The following QTGAL variants were observed in gnomAD, a reference collection of about 807,000 sequenced individuals.
The protein encoded by QTGAL is queuosine-tRNA galactosyltransferase.
the QTGAL span, among the ~76,000 whole-genome samples, chr17:82,989,695 T>C: frequency 6.6e-6 from 1 of 151,948 alleles, no homozygotes; most frequent in Non-Finnish European, 1.5e-5. Context: ...CTTTGTGGAG[T>C]CGAATTTGCA....
the QTGAL span, chr17:82,979,470 G>C: frequency 3.9e-5 from 6 of 152,222 alleles, no homozygotes; most frequent in African/African-American, 1.4e-4. Flanking sequence ...ATACGTTTCT[G>C]TAAGTTAGCA....
At chr17:82,985,697 G>C in the QTGAL span, among the ~76,000 whole-genome samples, 1 of 152,210 alleles carries the variant, frequency 6.6e-6, no homozygotes, top group African/African-American at 2.4e-5. Flanking sequence ...ACGCGGGACT[G>C]AATCTCCAAA....
the QTGAL span, chr17:83,005,169 G>T: frequency 6.2e-7 from 1 of 1,610,820 alleles, no homozygotes; most frequent in Non-Finnish European, 8.5e-7. This position sits in a 1 kb window ranked among gnomAD's most constrained non-coding sequence, Gnocchi z 5.6. Flanking sequence ...TGTATCGTTC[G>T]GTGGAGTTAG....
chr17:83,005,889 C>T, the QTGAL span: 25 of 1,369,986 alleles, frequency 1.8e-5, no homozygotes, highest in Non-Finnish European at 2.4e-5. This position sits in a 1 kb window ranked among gnomAD's most constrained non-coding sequence, Gnocchi z 5.6. Flanking sequence ...CTGACCTCTG[C>T]CCCGGAGTGG....
chr17:82,995,444 A>G, the QTGAL span, among the ~76,000 whole-genome samples: 84,158 of 150,348 alleles, frequency 0.56, 23,801 homozygotes, highest in African/African-American at 0.64. Flanking sequence ...GTGCAGTGGC[A>G]TGATCTTGGC....
chr17:83,017,531 G>A, the QTGAL span, among the ~76,000 whole-genome samples: 4 of 152,128 alleles, frequency 2.6e-5, no homozygotes, highest in Admixed American at 6.5e-5. Flanking sequence ...GCCGAGGTAC[G>A]AGAATCACTT....
the QTGAL span, among the ~76,000 whole-genome samples, chr17:83,045,814 T>A: frequency 0.38 from 57,286 of 151,928 alleles, 11,295 homozygotes; most frequent in East Asian, 0.58. Flanking sequence ...TACATTTATT[T>A]ATTTATTTAT....
At chr17:83,015,010 C>A in the QTGAL span, among the ~76,000 whole-genome samples, 15 of 151,350 alleles carry the variant, frequency 9.9e-5, no homozygotes, top group African/African-American at 3.6e-4. This position sits in a 1 kb window ranked among gnomAD's most constrained non-coding sequence, Gnocchi z 4.4. Context: ...GGGGGACCGT[C>A]TGCAGTGAAG....
the QTGAL span, among the ~76,000 whole-genome samples, chr17:83,034,582 G>A: frequency 6.6e-6 from 1 of 152,158 alleles, no homozygotes; most frequent in Non-Finnish European, 1.5e-5. Context: ...TATTTGATAA[G>A]GTTGGGCTGT....
At chr17:82,977,362 G>A in the QTGAL span, among the ~76,000 whole-genome samples, 1 of 152,172 alleles carries the variant, frequency 6.6e-6, no homozygotes, top group Non-Finnish European at 1.5e-5. Context: ...ACCCACCGGA[G>A]TATTCAGGAG....
At chr17:83,039,557 C>T in the QTGAL span, among the ~76,000 whole-genome samples, 527 of 122,208 alleles carry the variant, frequency 4.3e-3, 48 homozygotes, top group Admixed American at 0.026. Context: ...GGGCGCCCGC[C>T]GCCCGAACCT....
the QTGAL span, among the ~76,000 whole-genome samples, chr17:83,036,575 C>T: frequency 1.3e-5 from 2 of 152,172 alleles, no homozygotes; most frequent in South Asian, 2.1e-4. Flanking sequence ...AAAGGCTGAA[C>T]GATGACCTGT....
chr17:82,954,140 C>G, the QTGAL span, among the ~76,000 whole-genome samples: 1 of 152,090 alleles, frequency 6.6e-6, no homozygotes, highest in Admixed American at 6.5e-5. Flanking sequence ...GAAGTTCTGG[C>G]CAGGGCAATC....
At chr17:83,050,161 G>A in the QTGAL span, among the ~76,000 whole-genome samples, 13 of 152,116 alleles carry the variant, frequency 8.5e-5, no homozygotes, top group African/African-American at 3.1e-4. Context: ...ATCTGATGTC[G>A]GGAGTTCAAG....
At chr17:83,009,711 GTGC>G in the QTGAL span, among the ~76,000 whole-genome samples, 1 of 152,164 alleles carries the variant, frequency 6.6e-6, no homozygotes, top group South Asian at 2.1e-4. Context: ...TCGGTGCATG[GTGC>G]TGGGTGCGAG....
At chr17:82,974,720 C>A in the QTGAL span, among the ~76,000 whole-genome samples, 1 of 152,196 alleles carries the variant, frequency 6.6e-6, no homozygotes, top group South Asian at 2.1e-4. Flanking sequence ...GGGCCACATT[C>A]CCTTCCAGTC....
chr17:82,948,459 G>A, the QTGAL span: 2 of 152,292 alleles, frequency 1.3e-5, no homozygotes, highest in Non-Finnish European at 2.9e-5. Context: ...ACTGCCCACA[G>A]GCCTGGGTCC....
chr17:83,045,935 T>C, the QTGAL span, among the ~76,000 whole-genome samples: 1 of 151,968 alleles, frequency 6.6e-6, no homozygotes, highest in Non-Finnish European at 1.5e-5. Flanking sequence ...GCAATTCTTC[T>C]GTCTCAGCCT....
chr17:83,038,384 A>G, the QTGAL span, among the ~76,000 whole-genome samples: 1 of 152,206 alleles, frequency 6.6e-6, no homozygotes, highest in African/African-American at 2.4e-5. Context: ...CAGAATTCAT[A>G]CAAATGGGAT....
Sources: allele counts gnomAD v4.1 joint callset (sites outside exome capture counted in the v4.1 genomes callset), GRCh38; gene constraint gnomAD v4.1.1; non-coding constraint Gnocchi (gnomAD v3.1); transcripts MANE v1.5; gene names NCBI Gene and HGNC (gene_info 2026-07-23, HGNC 2026-07-21).